Variants in WTIP observed in about 807,000 individuals in gnomAD.
The protein encoded by WTIP is Wilms tumor protein 1-interacting protein.
WTIP carries 23 observed loss-of-function variants against 41.7 expected under a neutral mutation model. The ratio of observed to expected loss-of-function variants is 0.55; its 90% CI spans 0.40 to 0.78. The LOEUF is 0.78. WTIP is among the 30% of genes least tolerant of loss of function. The pLI is 0.00. For synonymous variants in WTIP, 314 were observed against 269.9 expected, an observed-to-expected ratio of 1.16 and a Z score of -1.60; for missense variants, 619 against 610.5, an observed-to-expected ratio of 1.01 and a Z score of -0.15.
rs1453237649 is a variant in WTIP, at chr19:34,481,892, C to A, written c.-83C>A. On this transcript the variant is annotated 5_prime_UTR_variant, in exon 1 of 8. Coordinates refer to ENST00000590071, the MANE Select transcript of WTIP (RefSeq NM_001080436.2). ...GGGTCCCGGGGCGGGCTCCGGGCTT[C>A]GGGCGGACGATGCGGCGGCCCGGCC... is the stretch of plus-strand genomic sequence containing the variant. The A allele has an allele frequency of 2.1e-5, 18 of 874,658 alleles. No homozygotes were observed. Among genetic ancestry groups the A allele is most frequent in the Non-Finnish European group, 2.5e-5 (18 of 730,718 alleles). 54.2% of individuals were successfully genotyped at this position (874,658 alleles called of 1,614,324 possible).
In WTIP at chr19:34,508,066, TGAG is replaced by T. The variant is rs2075919849; in HGVS notation, c.*7799_*7801del. On this transcript the variant is annotated 3_prime_UTR_variant, in exon 8 of 8. Transcript: ENST00000590071. The stretch of plus-strand genomic sequence containing the variant: ...GATCCCTCCTCATTCTCTGTTAGTG[TGAG>T]GTGGGACTTTTTTTTTTGTTTTGAG... 2 of 152,042 alleles carry T rather than the reference TGAG, an allele frequency of 1.3e-5. No homozygotes were observed. The allele number at this position is 152,042 out of a possible 1,614,324, so 9.4% of individuals were successfully genotyped here.
chr19:34,482,716 G>A, intron 1 of WTIP, 75 bp downstream of exon 1: 2 of 1,209,052 alleles, frequency 1.7e-6, no homozygotes, highest in Non-Finnish European at 2.1e-6. Flanking sequence ...TCGGGTAGGC[G>A]GCCGGATCAG....
At position 34,482,669 on chromosome 19, in the gene WTIP, T is replaced by G; in HGVS notation, c.667+28T>G. 3 of 1,224,976 alleles carry G rather than the reference T, an allele frequency of 2.4e-6. No individual in the cohort carries two copies. The East Asian group carries it at 9.6e-5, about 39-fold the overall frequency. The allele number at this position is 1,224,976 out of a possible 1,614,324, so 75.9% of individuals were successfully genotyped here. A position where few individuals can be genotyped will look rare whatever the true frequency, so the allele number is the denominator to read the frequency against. ...GAGCTCGCTCGGCCCGGCAGTTCCC[T>G]GCGCGCATGGCTGGGGTCCGGGGTT... is the stretch of plus-strand genomic sequence containing the variant. On this transcript the variant is annotated intron_variant, in intron 1 of 7. Coordinates refer to ENST00000590071, the MANE Select transcript of WTIP (RefSeq NM_001080436.2).
Position 34,500,358 on chromosome 19 carries a change from C to G in WTIP, c.*89C>G. ...GGCCCTGGTCAGCGTCAGGGGAGCTCCCTCCAATCAGTTTCCCACCGAGCT... is the reference window on the plus strand; with the variant it reads ...GGCCCTGGTCAGCGTCAGGGGAGCTGCCTCCAATCAGTTTCCCACCGAGCT... On this transcript the variant is annotated 3_prime_UTR_variant, in exon 8 of 8. Transcript: ENST00000590071. The G allele has an allele frequency of 1.4e-6, 2 of 1,405,350 alleles. No individual in the cohort carries two copies. Among genetic ancestry groups the G allele is most frequent in the Non-Finnish European group, 9.3e-7 (1 of 1,071,176 alleles). The allele number at this position is 1,405,350 out of a possible 1,614,324, so 87.1% of individuals were successfully genotyped here.
intron 7 of WTIP, among the ~76,000 whole-genome samples, chr19:34,498,404 C>G (rs1401790103): frequency 6.6e-6 from 1 of 152,108 alleles, no homozygotes; most frequent in Non-Finnish European, 1.5e-5. Context: ...GAGCACAGGG[C>G]CGCTCCCTCC....
intron 2 of WTIP, among the ~76,000 whole-genome samples, chr19:34,491,776 C>G (rs1236954889): frequency 6.6e-6 from 1 of 152,018 alleles, no homozygotes; most frequent in Admixed American, 6.6e-5. Context: ...TCCCGAGTAG[C>G]TGGGACTATA....
chr19:34,511,656 T>C lies in WTIP; in HGVS notation c.*11387T>C, dbSNP rs541704819. The C allele has an allele frequency of 3.9e-5, 6 of 152,264 alleles. No individual in the cohort carries two copies. In the South Asian group the frequency reaches 1.0e-3, roughly 26 times the overall value. The allele number at this position is 152,264 out of a possible 1,614,324, so 9.4% of individuals were successfully genotyped here. A position where few individuals can be genotyped will look rare whatever the true frequency, so the allele number is the denominator to read the frequency against. On this transcript the variant is annotated 3_prime_UTR_variant, in exon 8 of 8. Coordinates refer to ENST00000590071, the MANE Select transcript of WTIP (RefSeq NM_001080436.2). ...TCCCATCAATCATAGGAAAATACCA[T>C]TTCCCGCATCCTTACCAACCCTAGG...
Position 34,509,133 on chromosome 19 carries a change from C to T in WTIP, c.*8864C>T, listed in dbSNP as rs2075924370. 1 of 152,190 alleles carries T rather than the reference C, an allele frequency of 6.6e-6. No individual in the cohort carries two copies. The highest frequency in any genetic ancestry group is 1.5e-5 in the Non-Finnish European group (1 of 68,058). The allele number at this position is 152,190 out of a possible 1,614,324, so 9.4% of individuals were successfully genotyped here. On this transcript the variant is annotated 3_prime_UTR_variant, in exon 8 of 8. Coordinates refer to ENST00000590071, the MANE Select transcript of WTIP (RefSeq NM_001080436.2). ...AGGAGGATTGCTTGAGGCCAGGATTCCAGGCTGCAGGGAGCTATGACTGCC... is the reference window on the plus strand; with the variant it reads ...AGGAGGATTGCTTGAGGCCAGGATTTCAGGCTGCAGGGAGCTATGACTGCC...
intron 1 of WTIP, among the ~76,000 whole-genome samples, chr19:34,487,245 G>T (rs2075802568): frequency 6.6e-6 from 1 of 151,600 alleles, no homozygotes; most frequent in African/African-American, 2.4e-5. Context: ...ACTGGGATTA[G>T]TGTCCACCAC....
At chr19:34,486,937 T>G (rs562954721) in intron 1 of WTIP, among the ~76,000 whole-genome samples, 11 of 149,610 alleles carry the variant, frequency 7.4e-5, no homozygotes, top group African/African-American at 2.7e-4. Flanking sequence ...TCTTTTTAAT[T>G]TTTTTTTTTT....
rs1479534054 is a variant in WTIP at position 34,503,881 on chromosome 19, A to G, written c.*3612A>G. The G allele has an allele frequency of 6.6e-6, 1 of 152,290 alleles. No individual in the cohort carries two copies. The highest frequency in any genetic ancestry group is 2.4e-5 in the African/African-American group (1 of 41,398). The allele number at this position is 152,290 out of a possible 1,614,324, so 9.4% of individuals were successfully genotyped here. On this transcript the variant is annotated 3_prime_UTR_variant, in exon 8 of 8. Coordinates refer to ENST00000590071, the MANE Select transcript of WTIP (RefSeq NM_001080436.2). ...GTACATAAAGGGCCAAGCGCTGTCCACGTGGACACATCCTATGTGGGCGTG... is the reference window on the plus strand; with the variant it reads ...GTACATAAAGGGCCAAGCGCTGTCCGCGTGGACACATCCTATGTGGGCGTG...
chr19:34,484,087 C>A (rs2075785183), intron 1 of WTIP, among the ~76,000 whole-genome samples: 1 of 151,994 alleles, frequency 6.6e-6, no homozygotes, highest in Non-Finnish European at 1.5e-5. Context: ...CCACCACGCC[C>A]AGCTAATTTT....
intron 1 of WTIP, among the ~76,000 whole-genome samples, chr19:34,484,220 C>T (rs928101546): frequency 6.6e-6 from 1 of 152,122 alleles, no homozygotes; most frequent in African/African-American, 2.4e-5. Flanking sequence ...CCACCGTGCC[C>T]GGCCCTGAAC....
rs1179318159 is a variant in WTIP, at chr19:34,481,859, G to T, written c.-116G>T. ...CCCGGCGCCGGCCCCGCCCCGCCCC[G>T]CGCCCAGGGGTCCCGGGGCGGGCTC... On this transcript the variant is annotated 5_prime_UTR_variant, in exon 1 of 8. Transcript: ENST00000590071. 1.8e-6 allele frequency: 1 copy of T among 547,022 alleles called. No individual in the cohort carries two copies. Among genetic ancestry groups the T allele is most frequent in the Non-Finnish European group, 2.3e-6 (1 of 431,386 alleles). The allele number at this position is 547,022 out of a possible 1,614,324, so 33.9% of individuals were successfully genotyped here. A position where few individuals can be genotyped will look rare whatever the true frequency, so the allele number is the denominator to read the frequency against.
In WTIP at chr19:34,493,705, GACT is replaced by G; in HGVS notation, c.1031+84_1031+86del. 1 of 1,580,930 alleles carries G rather than the reference GACT, an allele frequency of 6.3e-7. No individual in the cohort carries two copies. Among genetic ancestry groups the G allele is most frequent in the Non-Finnish European group, 8.6e-7 (1 of 1,160,388 alleles). ...GGAAGCATTTTTTTCCTGCTGGACTGACTGCCCTTTGTTCTTGGCCTTTTGCCT... is the reference window on the plus strand; with the variant it reads ...GGAAGCATTTTTTTCCTGCTGGACTGGCCCTTTGTTCTTGGCCTTTTGCCT... On this transcript the variant is annotated intron_variant, in intron 5 of 7. Coordinates refer to ENST00000590071, the MANE Select transcript of WTIP (RefSeq NM_001080436.2). The surrounding 1 kb of genome is among the most constrained non-coding windows in gnomAD (Gnocchi z 4.1).
rs1027728352 is a variant in WTIP at position 34,501,765 on chromosome 19, AG to A, written c.*1500del. 1.3e-5 allele frequency: 2 copies of A among 152,394 alleles called. No individual in the cohort carries two copies. Among genetic ancestry groups the A allele is most frequent in the East Asian group, 3.9e-4 (2 of 5,188 alleles). 9.4% of individuals were successfully genotyped at this position (152,394 alleles called of 1,614,324 possible). ...CCTGGTGGGCTGAGCCGGCAAGTAC[AG>A]GGGTGGTCAGGGAGCCTTAGCCAGG... On this transcript the variant is annotated 3_prime_UTR_variant, in exon 8 of 8. Coordinates refer to ENST00000590071, the MANE Select transcript of WTIP (RefSeq NM_001080436.2).
At chr19:34,499,979 G>A (rs1276516092) in intron 7 of WTIP, 150 bp from the exon 8 acceptor site, 2 of 1,168,188 alleles carry the variant, frequency 1.7e-6, no homozygotes, top group African/African-American at 1.5e-5. Context: ...GGGATTACAG[G>A]TGTGAGCCCC....
chr19:34,495,743 A>T lies in WTIP; in HGVS notation c.1124A>T (p.Asp375Val). 6.2e-7 allele frequency: 1 copy of T among 1,613,904 alleles called. No homozygotes were observed. Among genetic ancestry groups the T allele is most frequent in the Non-Finnish European group, 8.5e-7 (1 of 1,179,972 alleles). The stretch of plus-strand genomic sequence containing the variant: ...ATCCGTGTGGTGTCCATGGACAGAG[A>T]CTACCACGTGGCATGTTACCACTGT... ...TTIRVVSMDRDYHVACYHCED... is the reference protein window; with the variant it reads ...TTIRVVSMDRVYHVACYHCED... Residue 375 changes from aspartate to valine, a missense_variant, in exon 7 of 8, where the codon GAC (aspartate) becomes GTC (valine). By Grantham distance (152) the Asp-to-Val change is radical (BLOSUM62 -3). This residue lies in a region of WTIP where 92 missense variants were observed against 82.4 expected (regional missense o/e 1.12). Transcript: ENST00000590071.
At chr19:34,484,518 G>C (rs1472878077) in intron 1 of WTIP, among the ~76,000 whole-genome samples, 3 of 152,150 alleles carry the variant, frequency 2.0e-5, no homozygotes. Flanking sequence ...AGATGTGCCA[G>C]GAGCTGTCAT....
Sources: allele counts gnomAD v4.1 joint callset (sites outside exome capture counted in the v4.1 genomes callset), GRCh38; gene constraint gnomAD v4.1.1; regional missense constraint gnomAD v4.1.1; non-coding constraint Gnocchi (gnomAD v3.1); transcripts MANE v1.5; gene names NCBI Gene and HGNC (gene_info 2026-07-23, HGNC 2026-07-21).